Variants in SOX6 observed in about 807,000 individuals in gnomAD.
The protein encoded by SOX6 is SRY-box transcription factor 6.
A neutral mutation model predicts 97.8 loss-of-function variants in SOX6; 11 were observed. The observed-to-expected ratio is 0.11, with a 90% CI of 0.07 to 0.19. The LOEUF (loss-of-function observed/expected upper bound fraction) is 0.19. SOX6 is among the 10% of genes least tolerant of loss of function. The pLI is 1.00. For missense variants in SOX6, 810 were observed against 1,039.5 expected, an observed-to-expected ratio of 0.78 and a Z score of 3.04; for synonymous variants, 360 against 371.4, an observed-to-expected ratio of 0.97 and a Z score of 0.35.
At chr11:16,615,303 C>G (rs1402809315) in intron 3 of SOX6, among the ~76,000 whole-genome samples, 1 of 152,214 alleles carries the variant, frequency 6.6e-6, no homozygotes, top group Non-Finnish European at 1.5e-5. Context: ...TAGACTTGTA[C>G]AATGTCCTGA....
At chr11:16,632,923 G>A (rs1253988207) in intron 3 of SOX6, among the ~76,000 whole-genome samples, 6 of 152,244 alleles carry the variant, frequency 3.9e-5, no homozygotes, top group Non-Finnish European at 7.3e-5. Context: ...ATACAGCAGA[G>A]AGGGCTTCCC....
intron 4 of SOX6, among the ~76,000 whole-genome samples, chr11:16,193,740 A>T (rs1851694241): frequency 6.6e-6 from 1 of 152,234 alleles, no homozygotes; most frequent in Non-Finnish European, 1.5e-5. Flanking sequence ...ATCCAGAAAG[A>T]TTGTAAATTA....
intron 4 of SOX6, among the ~76,000 whole-genome samples, chr11:16,583,618 T>TATATATATATATACACACACAC (rs1565186408): frequency 2.4e-5 from 3 of 126,012 alleles, no homozygotes; most frequent in Non-Finnish European, 5.0e-5. Context: ...TATATACATA[T>TATATATATATATACACACACAC]ATATATATAT....
At chr11:16,553,432 C>G (rs968301393) in intron 4 of SOX6, among the ~76,000 whole-genome samples, 8 of 152,162 alleles carry the variant, frequency 5.3e-5, no homozygotes, top group Admixed American at 2.6e-4. Context: ...CAGTAACTTC[C>G]AGGTCATTGC....
At chr11:16,239,322 T>C (rs921524241) in intron 3 of SOX6, among the ~76,000 whole-genome samples, 2 of 151,958 alleles carry the variant, frequency 1.3e-5, no homozygotes, top group African/African-American at 4.8e-5. Context: ...CCCCTCTCCC[T>C]CTCTCTCCAA....
At chr11:16,561,833 G>C (rs1481309752) in intron 4 of SOX6, among the ~76,000 whole-genome samples, 2 of 152,112 alleles carry the variant, frequency 1.3e-5, no homozygotes, top group South Asian at 2.1e-4. Context: ...GGGCTCAAAA[G>C]AACCTCCACC....
chr11:16,346,929 A>T (rs1161177867), intron 1 of SOX6, among the ~76,000 whole-genome samples: 1 of 152,116 alleles, frequency 6.6e-6, no homozygotes, highest in African/African-American at 2.4e-5. Flanking sequence ...TGAGCTTCTT[A>T]CAAAACAAGA....
Position 15,972,690 on chromosome 11 carries a change from TTAAGA to T in SOX6, c.*114_*118del. On this transcript the variant is annotated 3_prime_UTR_variant, in exon 16 of 16. Coordinates refer to ENST00000683767, the MANE Select transcript of SOX6 (RefSeq NM_001367873.1). ...ATCTGTCTCACACTTTACGAAACAA[TTAAGA>T]CCATTCTGCTGATGTAATTGTGGAG... 8.9e-7 allele frequency: 1 copy of T among 1,118,556 alleles called. No individual in the cohort carries two copies. Among genetic ancestry groups the T allele is most frequent in the Non-Finnish European group, 1.3e-6 (1 of 746,528 alleles). 69.3% of individuals were successfully genotyped at this position (1,118,556 alleles called of 1,614,324 possible). A position where few individuals can be genotyped will look rare whatever the true frequency, so the allele number is the denominator to read the frequency against.
intron 9 of SOX6, among the ~76,000 whole-genome samples, chr11:16,080,982 CAG>C (rs1416414767): frequency 1.3e-5 from 2 of 151,934 alleles, no homozygotes; most frequent in Admixed American, 1.3e-4. Flanking sequence ...TCAGCTATTC[CAG>C]AGGCTAAGGT....
intron 1 of SOX6, among the ~76,000 whole-genome samples, chr11:16,447,245 A>C (rs1590207427): frequency 6.6e-6 from 1 of 152,306 alleles, no homozygotes; most frequent in East Asian, 1.9e-4. Flanking sequence ...GGAAGTTATT[A>C]GGATTTAGGA....
At chr11:16,292,531 T>C (rs1211801410) in intron 3 of SOX6, among the ~76,000 whole-genome samples, 1 of 152,126 alleles carries the variant, frequency 6.6e-6, no homozygotes, top group Non-Finnish European at 1.5e-5. Context: ...AGTGGTCAAC[T>C]AGACCTTTGT....
At chr11:16,039,591 A>G (rs1855603776) in intron 12 of SOX6, among the ~76,000 whole-genome samples, 1 of 152,056 alleles carries the variant, frequency 6.6e-6, no homozygotes, top group Non-Finnish European at 1.5e-5. Context: ...CTACATGACA[A>G]TGATACAATT....
At chr11:16,221,095 G>A (rs932527663) in intron 4 of SOX6, among the ~76,000 whole-genome samples, 9 of 151,964 alleles carry the variant, frequency 5.9e-5, no homozygotes, top group Non-Finnish European at 8.8e-5. Flanking sequence ...TTAGATCCCT[G>A]GGAATCCCAG....
intron 4 of SOX6, among the ~76,000 whole-genome samples, chr11:16,588,047 C>T (rs1164853157): frequency 6.6e-6 from 1 of 152,164 alleles, no homozygotes; most frequent in African/African-American, 2.4e-5. Flanking sequence ...GAAATATACT[C>T]TATGAAAAGC....
intron 1 of SOX6, among the ~76,000 whole-genome samples, chr11:16,469,643 G>C (rs1401506220): frequency 6.6e-6 from 1 of 152,050 alleles, no homozygotes; most frequent in Admixed American, 6.5e-5. Context: ...TGACAATAAA[G>C]AGTAGCATTT....
At chr11:16,460,650 G>T (rs913891108) in intron 1 of SOX6, among the ~76,000 whole-genome samples, 3 of 151,992 alleles carry the variant, frequency 2.0e-5, no homozygotes, top group African/African-American at 7.3e-5. Flanking sequence ...TATAATATTT[G>T]CTGCAACTAT....
At chr11:16,401,678 T>C (rs1858562264) in intron 1 of SOX6, among the ~76,000 whole-genome samples, 1 of 151,490 alleles carries the variant, frequency 6.6e-6, no homozygotes, top group East Asian at 1.9e-4. Context: ...AGCTCTAAAG[T>C]TTCATTATAT....
chr11:16,079,421 T>C (rs1050737312), intron 9 of SOX6, among the ~76,000 whole-genome samples: 5 of 152,214 alleles, frequency 3.3e-5, no homozygotes, highest in African/African-American at 1.2e-4. Flanking sequence ...GAAATGAACA[T>C]GCTTATTATA....
chr11:16,694,498 G>A (rs1848038788), intron 3 of SOX6, among the ~76,000 whole-genome samples: 1 of 152,084 alleles, frequency 6.6e-6, no homozygotes, highest in Non-Finnish European at 1.5e-5. Context: ...ACTCTAGCCT[G>A]GGCAACAGAA....
Sources: allele counts gnomAD v4.1 joint callset (sites outside exome capture counted in the v4.1 genomes callset), GRCh38; gene constraint gnomAD v4.1.1; transcripts MANE v1.5; gene names NCBI Gene and HGNC (gene_info 2026-07-23, HGNC 2026-07-21).